The following FANCE variants were observed in gnomAD, a reference collection of about 807,000 sequenced individuals.
The protein encoded by FANCE is FA complementation group E.
Under a neutral mutation model 57.8 loss-of-function variants are expected in FANCE, and 42 were observed. The ratio of observed to expected loss-of-function variants is 0.73; its 90% CI spans 0.57 to 0.94. The LOEUF (loss-of-function observed/expected upper bound fraction) is 0.94. Ranked by LOEUF, FANCE falls within the 40% of genes least tolerant of loss-of-function variation. FANCE has a pLI of 0.00. For missense variants in FANCE, 608 were observed against 661.8 expected (o/e 0.92, Z 0.89); for synonymous variants, 251 against 286.4 (o/e 0.88, Z 1.25).
chr6:35,452,346 T>A lies in FANCE; in HGVS notation c.-200T>A. 1 of 484,128 alleles carries A rather than the reference T, an allele frequency of 2.1e-6. No homozygotes were observed. The highest frequency in any genetic ancestry group is 3.1e-6 in the Non-Finnish European group (1 of 320,048). 30.0% of individuals were successfully genotyped at this position (484,128 alleles called of 1,614,324 possible). A position where few individuals can be genotyped will look rare whatever the true frequency, so the allele number is the denominator to read the frequency against. On this transcript the variant is annotated 5_prime_UTR_variant, in exon 1 of 10. Coordinates refer to ENST00000229769, the MANE Select transcript of FANCE (RefSeq NM_021922.3). The stretch of plus-strand genomic sequence containing the variant: ...CCCGGCCGCGCCTCCCTCCTTCCCT[T>A]TCCGACAGCGCGGGAACGGCTGCGG...
At position 35,458,298 on chromosome 6, in the gene FANCE, T is replaced by C. The variant is rs755510065; in HGVS notation, c.971T>C (p.Met324Thr). The change falls in exon 5 of 10, where the codon ATG becomes ACG. Residue 324 changes from methionine (M) to threonine (T), a missense_variant and splice_region_variant. Physicochemically the swap from Met to Thr is moderately conservative, Grantham distance 81. Coordinates refer to ENST00000229769, the MANE Select transcript of FANCE (RefSeq NM_021922.3). Reference protein sequence around the residue: ...QLLHECSPSQMDLLCAQLQLP... With the variant: ...QLLHECSPSQTDLLCAQLQLP... ...TCTCCCCCCGCACTCTGTAAGCAGATGGACTTGCTGTGTGCCCAGCTGCAG... is the reference window on the plus strand; with the variant it reads ...TCTCCCCCCGCACTCTGTAAGCAGACGGACTTGCTGTGTGCCCAGCTGCAG... The C allele has an allele frequency of 1.2e-6, 2 of 1,613,844 alleles. No homozygotes were observed. Among genetic ancestry groups the C allele is most frequent in the South Asian group, 1.1e-5 (1 of 91,082 alleles).
intron 4 of FANCE, 66 bp downstream of exon 4, chr6:35,458,050 T>C (rs1767420415): frequency 2.7e-6 from 4 of 1,501,926 alleles, no homozygotes; most frequent in Non-Finnish European, 3.7e-6. Context: ...TCTATTTAAG[T>C]TTATGTTTTC....
rs1444894936 is a variant in FANCE at position 35,452,530 on chromosome 6, G to A, written c.-16G>A. 1 of 1,290,482 alleles carries A rather than the reference G, an allele frequency of 7.7e-7. No individual in the cohort carries two copies. 79.9% of individuals were successfully genotyped at this position (1,290,482 alleles called of 1,614,324 possible). ...CCACACCAGAGTAGGGGGCGGCGCG[G>A]CACCCGTGCCCCGGCATGGCGACAC... is the stretch of plus-strand genomic sequence containing the variant. On this transcript the variant is annotated 5_prime_UTR_variant, in exon 1 of 10. Coordinates refer to ENST00000229769, the MANE Select transcript of FANCE (RefSeq NM_021922.3).
intron 5 of FANCE, among the ~76,000 whole-genome samples, chr6:35,458,748 C>G (rs1010998958): frequency 1.3e-5 from 2 of 151,694 alleles, no homozygotes; most frequent in Admixed American, 6.6e-5. Flanking sequence ...ATCACAGGTG[C>G]CTTCCACCAT....
intron 5 of FANCE, 105 bp from the exon 6 acceptor site, chr6:35,459,226 T>C: frequency 6.7e-7 from 1 of 1,495,110 alleles, no homozygotes; most frequent in Non-Finnish European, 9.2e-7. Flanking sequence ...GAACTTGGTT[T>C]TTTTTTTCCT....
chr6:35,457,846 C>G, intron 3 of FANCE, 70 bp from the exon 4 acceptor site: 1 of 1,388,216 alleles, frequency 7.2e-7, no homozygotes, highest in Non-Finnish European at 1.0e-6. Context: ...CTTCTGCCAC[C>G]TGAAGGGGTG....
In FANCE at chr6:35,452,714, C is replaced by A. The variant is rs1561787173; in HGVS notation, c.169C>A (p.Pro57Thr). The A allele has an allele frequency of 8.0e-7, 1 of 1,244,442 alleles. No individual in the cohort carries two copies. Among genetic ancestry groups the A allele is most frequent in the Admixed American group, 4.2e-5 (1 of 24,004 alleles). The allele number at this position is 1,244,442 out of a possible 1,614,324, so 77.1% of individuals were successfully genotyped here. Residue 57 changes from proline (P) to threonine (T), a missense_variant, in exon 1 of 10, where the codon CCC becomes ACC. Coordinates refer to ENST00000229769, the MANE Select transcript of FANCE (RefSeq NM_021922.3). Reference protein sequence around the residue: ...LRALGSRGWEPFDWGRLLEAL... With the variant: ...LRALGSRGWETFDWGRLLEAL... ...GGCGCTGGGCAGCCGCGGCTGGGAG[C>A]CCTTCGACTGGGGTCGCTTGCTCGA...
rs776617895 is a variant in FANCE at position 35,466,274 on chromosome 6, A to G, written c.1540A>G (p.Met514Val). The G allele has an allele frequency of 5.6e-6, 9 of 1,613,352 alleles. No individual in the cohort carries two copies. The highest frequency in any genetic ancestry group is 7.6e-6 in the Non-Finnish European group (9 of 1,179,418). The change falls in exon 10 of 10, where the codon ATG becomes GTG. Residue 514 changes from methionine (M) to valine (V), a missense_variant. Coordinates refer to ENST00000229769, the MANE Select transcript of FANCE (RefSeq NM_021922.3). ...TGAGACCCAGAGGCTGGGCCTGGCT[A>G]TGGCCCTAGAACCTAACACCACCTT... is the stretch of plus-strand genomic sequence containing the variant. ...ITETQRLGLAMALEPNTTFLR... is the reference protein window; with the variant it reads ...ITETQRLGLAVALEPNTTFLR...
intron 1 of FANCE, among the ~76,000 whole-genome samples, chr6:35,454,668 A>G (rs1767253210): frequency 6.6e-6 from 1 of 152,218 alleles, no homozygotes; most frequent in Non-Finnish European, 1.5e-5. Context: ...AATCTATTTT[A>G]AGAAAAGCTG....
intron 9 of FANCE, 141 bp downstream of exon 9, chr6:35,463,055 C>G: frequency 1.7e-6 from 2 of 1,178,954 alleles, no homozygotes; most frequent in Non-Finnish European, 2.5e-6. Flanking sequence ...AATCTCAGCA[C>G]TTTGGGAGGC....
chr6:35,453,410 T>G (rs1184876010), intron 1 of FANCE, among the ~76,000 whole-genome samples: 1 of 152,180 alleles, frequency 6.6e-6, no homozygotes. Context: ...TTATTGATAT[T>G]ATCTCCAATT....
In FANCE at chr6:35,466,696, C is replaced by A; in HGVS notation, c.*351C>A. On this transcript the variant is annotated 3_prime_UTR_variant, in exon 10 of 10. Coordinates refer to ENST00000229769, the MANE Select transcript of FANCE (RefSeq NM_021922.3). ...CCTCCCATGTCAGCCTCCCAAGTAG[C>A]TGGGACTACATGCACATGACACTAT... 2.4e-6 allele frequency: 1 copy of A among 413,472 alleles called. No homozygotes were observed. The highest frequency in any genetic ancestry group is 2.4e-5 in the South Asian group (1 of 42,088). The allele number at this position is 413,472 out of a possible 1,614,324, so 25.6% of individuals were successfully genotyped here.
In FANCE at chr6:35,459,616, C is replaced by T. The variant is rs45439495; in HGVS notation, c.1238-66C>T. 0.013 allele frequency: 20,467 copies of T among 1,582,988 alleles called. 190 individuals are homozygous for T. The highest frequency in any genetic ancestry group is 0.015 in the Non-Finnish European group (17,126 of 1,151,892). ...AACAGGCTGGGCATTCTGTTACCGC[C>T]TCCCTGCTTTCTGCTGTCTTCTGCC... is the stretch of plus-strand genomic sequence containing the variant. On this transcript the variant is annotated intron_variant, in intron 6 of 9. Transcript: ENST00000229769.
At chr6:35,462,144 A>G (rs576990459) in intron 8 of FANCE, among the ~76,000 whole-genome samples, 11 of 149,636 alleles carry the variant, frequency 7.4e-5, no homozygotes, top group African/African-American at 2.2e-4. Context: ...GTCTCACTCT[A>G]TCACCCAGGC....
intron 8 of FANCE, among the ~76,000 whole-genome samples, chr6:35,462,543 T>C (rs1029036418): frequency 1.3e-5 from 2 of 152,202 alleles, no homozygotes; most frequent in African/African-American, 4.8e-5. Flanking sequence ...TTTGCAATGG[T>C]AGCCACCATT....
chr6:35,464,246 T>C (rs545086890), intron 9 of FANCE, among the ~76,000 whole-genome samples: 1 of 144,344 alleles, frequency 6.9e-6, no homozygotes, highest in East Asian at 2.0e-4. Flanking sequence ...TTTTTTTTTT[T>C]TTTTTTTTTT....
At chr6:35,458,191 G>A in intron 4 of FANCE, 106 bp from the exon 5 acceptor site, 1 of 1,493,808 alleles carries the variant, frequency 6.7e-7, no homozygotes, top group Admixed American at 1.7e-5. Context: ...TCTTTGCCCT[G>A]GAGTATCTTT....
chr6:35,463,587 C>T (rs1170779787), intron 9 of FANCE, among the ~76,000 whole-genome samples: 1 of 150,678 alleles, frequency 6.6e-6, no homozygotes, highest in Non-Finnish European at 1.5e-5. Context: ...GAGAGGTGTG[C>T]AAAGGGCATT....
intron 4 of FANCE, 50 bp from the exon 5 acceptor site, chr6:35,458,247 G>A: frequency 6.2e-7 from 1 of 1,607,498 alleles, no homozygotes; most frequent in South Asian, 1.1e-5. Flanking sequence ...GCCTAGCAGA[G>A]GCAGAGTGCA....
Sources: gnomAD v4.1 joint callset for allele counts (sites outside exome capture counted in the v4.1 genomes callset) on GRCh38, gnomAD v4.1.1 for gene constraint, MANE v1.5 for transcripts, NCBI Gene and HGNC (gene_info 2026-07-23, HGNC 2026-07-21) for gene names.